The following CRYBG1 variants were observed in gnomAD, a reference collection of about 807,000 sequenced individuals.
The protein encoded by CRYBG1 is beta/gamma crystallin domain-containing protein 1.
Under a neutral mutation model 189.2 loss-of-function variants are expected in CRYBG1, and 139 were observed. The ratio of observed to expected loss-of-function variants is 0.73; its 90% CI spans 0.64 to 0.85. The LOEUF is 0.85. Among genes scored for constraint, CRYBG1 ranks in the 40% least tolerant of loss-of-function variants. The pLI, the probability that CRYBG1 is intolerant of heterozygous loss-of-function variation, is 0.00. For synonymous variants in CRYBG1, 1,023 were observed against 1,017.1 expected, an observed-to-expected ratio of 1.01 and a Z score of -0.11; for missense variants, 2,611 against 2,675.8, an observed-to-expected ratio of 0.98 and a Z score of 0.53.
intron 20 of CRYBG1, among the ~76,000 whole-genome samples, chr6:106,561,886 G>A (rs549325608): frequency 1.3e-5 from 2 of 152,314 alleles, no homozygotes; most frequent in East Asian, 3.9e-4. Context: ...ACGGGATGAA[G>A]GGTAAAGAGA....
At chr6:106,467,809 G>C (rs1644455240) in intron 2 of CRYBG1, among the ~76,000 whole-genome samples, 2 of 151,982 alleles carry the variant, frequency 1.3e-5, no homozygotes, top group Non-Finnish European at 2.9e-5. Context: ...GTCCCACTAA[G>C]AGTAAACAGT....
At chr6:106,566,562 C>G (rs1040241378) in intron 21 of CRYBG1, among the ~76,000 whole-genome samples, 3 of 148,068 alleles carry the variant, frequency 2.0e-5, no homozygotes, top group African/African-American at 5.0e-5. Context: ...ACCTCCGCCT[C>G]CTGGGTTCAA....
rs537846693 is a variant in CRYBG1 at position 106,362,575 on chromosome 6, C to A, written c.173+1494C>A. On this transcript the variant is annotated intron_variant, in intron 1 of 21. Coordinates refer to ENST00000633556, the MANE Select transcript of CRYBG1 (RefSeq NM_001371242.2). Reference sequence around the variant, plus strand: ...TGCACATCACCAGCACTTAGAAGAGCGTGGCACTTCCTGAGAAGCGCAAGT... The same window carrying A: ...TGCACATCACCAGCACTTAGAAGAGAGTGGCACTTCCTGAGAAGCGCAAGT... Among the ~76,000 whole-genome samples the A allele has an allele frequency of 3.3e-5, 5 of 152,236 alleles. No individual in the cohort carries two copies. In the South Asian group the frequency reaches 1.0e-3, roughly 32 times the overall value.
chr6:106,392,131 G>A (rs1283947073), intron 1 of CRYBG1, among the ~76,000 whole-genome samples: 6 of 152,070 alleles, frequency 3.9e-5, no homozygotes, highest in African/African-American at 1.4e-4. Flanking sequence ...TTTAGTCCCC[G>A]CGAATCTGTG....
intron 1 of CRYBG1, among the ~76,000 whole-genome samples, chr6:106,406,921 T>G (rs1209254432): frequency 2.0e-5 from 3 of 152,200 alleles, no homozygotes; most frequent in Non-Finnish European, 1.5e-5. Flanking sequence ...TACCAGACAC[T>G]GCAAAAACAT....
chr6:106,370,288 G>C (rs926869851), intron 1 of CRYBG1, among the ~76,000 whole-genome samples: 1 of 152,180 alleles, frequency 6.6e-6, no homozygotes, highest in African/African-American at 2.4e-5. Context: ...CCAAGAGGTG[G>C]ACCTACTTCG....
At chr6:106,558,459 C>A in intron 17 of CRYBG1, 27 bp from the exon 18 acceptor site, 2 of 1,528,338 alleles carry the variant, frequency 1.3e-6, no homozygotes, top group Admixed American at 1.9e-5. Flanking sequence ...AGATGAATAA[C>A]AGAACATTGT....
chr6:106,477,527 G>A (rs1772356632), intron 2 of CRYBG1, among the ~76,000 whole-genome samples: 1 of 152,188 alleles, frequency 6.6e-6, no homozygotes, highest in Non-Finnish European at 1.5e-5. Flanking sequence ...TTAACAAACT[G>A]AGGTTGGTCT....
rs906744485 is a variant in CRYBG1, at chr6:106,511,483, T to C, written c.366T>C (p.Leu122=). 1 of 1,535,802 alleles carries C rather than the reference T, an allele frequency of 6.5e-7. No homozygotes were observed. The highest frequency in any genetic ancestry group is 2.0e-5 in the Admixed American group (1 of 50,996). Residue 122 remains leucine, a synonymous_variant, in exon 3 of 22, where the codon CTT becomes CTC. Coordinates refer to ENST00000633556, the MANE Select transcript of CRYBG1 (RefSeq NM_001371242.2). ...GAAGGAAGCCAGTTTTGGGGAAACT[T>C]GGCACTCTATTCACTGCAGGAAGGA... ...DNRRKPVLGK[L]GTLFTAGRRR...
chr6:106,450,467 A>C (rs1299061902), intron 1 of CRYBG1, among the ~76,000 whole-genome samples: 1 of 152,206 alleles, frequency 6.6e-6, no homozygotes, highest in Non-Finnish European at 1.5e-5. Context: ...CAAAGCTGTC[A>C]TTCTGCTCTG....
chr6:106,498,042 A>C (rs1274111192), intron 2 of CRYBG1, among the ~76,000 whole-genome samples: 1 of 151,726 alleles, frequency 6.6e-6, no homozygotes. Flanking sequence ...CAGAGGTTGC[A>C]TTGAGCCAAG....
chr6:106,513,162 GCT>G, intron 3 of CRYBG1, 123 bp downstream of exon 3: 1 of 1,241,164 alleles, frequency 8.1e-7, no homozygotes. Context: ...TCCCCTCCAT[GCT>G]GAACTTAAGA....
At chr6:106,555,349 A>C (rs1402802431) in intron 16 of CRYBG1, among the ~76,000 whole-genome samples, 1 of 152,002 alleles carries the variant, frequency 6.6e-6, no homozygotes, top group African/African-American at 2.4e-5. Context: ...AGGATAGAGG[A>C]GTGTGCGAGA....
chr6:106,457,216 G>A (rs1771907225), intron 2 of CRYBG1: 1 of 152,150 alleles, frequency 6.6e-6, no homozygotes, highest in Admixed American at 6.6e-5. Flanking sequence ...TTGCTGGTAG[G>A]GACTCTCTAC....
At chr6:106,549,734 G>C (rs1230861163) in intron 13 of CRYBG1, among the ~76,000 whole-genome samples, 1 of 152,154 alleles carries the variant, frequency 6.6e-6, no homozygotes, top group Non-Finnish European at 1.5e-5. Flanking sequence ...CTGGGAGTGA[G>C]TGCACAGATG....
intron 1 of CRYBG1, among the ~76,000 whole-genome samples, chr6:106,391,340 C>G (rs1335781974): frequency 6.6e-6 from 1 of 152,166 alleles, no homozygotes; most frequent in African/African-American, 2.4e-5. Context: ...CCTAGGCCTC[C>G]CAAAGTGCTG....
chr6:106,487,105 G>T (rs183671501), intron 2 of CRYBG1, among the ~76,000 whole-genome samples: 2 of 152,034 alleles, frequency 1.3e-5, no homozygotes, highest in East Asian at 1.9e-4. Flanking sequence ...TGTGATTACC[G>T]TGGGGTTAAC....
Position 106,570,243 on chromosome 6 carries a change from G to GAA in CRYBG1, c.*1677_*1678insAA, listed in dbSNP as rs1188030311. 1.3e-5 allele frequency: 2 copies of GAA among 152,146 alleles called. No homozygotes were observed. The highest frequency in any genetic ancestry group is 3.8e-4 in the East Asian group (2 of 5,196). The allele number at this position is 152,146 out of a possible 1,614,324, so 9.4% of individuals were successfully genotyped here. A position where few individuals can be genotyped will look rare whatever the true frequency, so the allele number is the denominator to read the frequency against. ...CTGATCTTCTCTGGAGTCTATGGTA[G>GAA]GCAATTATGGTCACTGGAATAGTTT... On this transcript the variant is annotated 3_prime_UTR_variant, in exon 22 of 22. Coordinates refer to ENST00000633556, the MANE Select transcript of CRYBG1 (RefSeq NM_001371242.2).
chr6:106,487,253 C>T (rs1015268436), intron 2 of CRYBG1, among the ~76,000 whole-genome samples: 1 of 152,076 alleles, frequency 6.6e-6, no homozygotes, highest in Non-Finnish European at 1.5e-5. Context: ...TTTATGTGTT[C>T]TTTAGCCACT....
Sources: allele counts gnomAD v4.1 joint callset (sites outside exome capture counted in the v4.1 genomes callset), GRCh38; gene constraint gnomAD v4.1.1; transcripts MANE v1.5; gene names NCBI Gene and HGNC (gene_info 2026-07-23, HGNC 2026-07-21).